PDGFD: variants seen among roughly 807,000 people sequenced by gnomAD.
The protein encoded by PDGFD is platelet derived growth factor D, also known as platelet-derived growth factor D.
PDGFD carries 30 observed loss-of-function variants against 44.7 expected under a neutral mutation model. That is an observed-to-expected ratio of 0.67 (90% CI 0.50 to 0.91). PDGFD has a LOEUF of 0.91. Ranked by LOEUF, PDGFD falls within the 40% of genes least tolerant of loss-of-function variation. The pLI, the probability that PDGFD is intolerant of heterozygous loss-of-function variation, is 0.00. For missense variants in PDGFD, 445 were observed against 457.8 expected (o/e 0.97, Z 0.25); for synonymous variants, 173 against 168.4 (o/e 1.03, Z -0.21).
At chr11:103,926,162 C>T (rs894337022) in intron 6 of PDGFD, among the ~76,000 whole-genome samples, 1 of 152,134 alleles carries the variant, frequency 6.6e-6, no homozygotes, top group Non-Finnish European at 1.5e-5. Flanking sequence ...ACTTACTGAT[C>T]CTCTTAGGGC....
chr11:104,005,320 C>G (rs1206995821), intron 1 of PDGFD, among the ~76,000 whole-genome samples: 2 of 152,182 alleles, frequency 1.3e-5, no homozygotes, highest in Non-Finnish European at 2.9e-5. Flanking sequence ...AACCACTGTA[C>G]TATAGAAAGT....
intron 1 of PDGFD, among the ~76,000 whole-genome samples, chr11:104,062,095 A>C (rs1860726723): frequency 6.6e-6 from 1 of 152,158 alleles, no homozygotes; most frequent in African/African-American, 2.4e-5. Flanking sequence ...AGCTTTTCTG[A>C]GTGGGAGGGG....
At chr11:103,910,349 G>A (rs1336048432) in intron 6 of PDGFD, among the ~76,000 whole-genome samples, 1 of 152,206 alleles carries the variant, frequency 6.6e-6, no homozygotes, top group East Asian at 1.9e-4. Flanking sequence ...AGTTCCCAGC[G>A]AGATCAATGC....
chr11:103,924,965 C>A (rs973110392), intron 6 of PDGFD, among the ~76,000 whole-genome samples: 3 of 151,910 alleles, frequency 2.0e-5, no homozygotes, highest in African/African-American at 7.3e-5. Context: ...CCTCCCCCAA[C>A]CCCCAACCCA....
intron 3 of PDGFD, among the ~76,000 whole-genome samples, chr11:103,973,956 C>G (rs532521470): frequency 5.3e-5 from 8 of 152,076 alleles, no homozygotes; most frequent in African/African-American, 1.9e-4. Context: ...AGAAGAATGG[C>G]AGCAGTTTGG....
chr11:104,010,515 G>A lies in PDGFD; in HGVS notation c.125-10260C>T, dbSNP rs541073512. Among the ~76,000 whole-genome samples, 11 of 152,088 alleles carry A rather than the reference G, an allele frequency of 7.2e-5. No individual in the cohort carries two copies. In the South Asian group the frequency reaches 1.9e-3, roughly 26 times the overall value. On this transcript the variant is annotated intron_variant, in intron 1 of 6. Transcript: ENST00000393158. ...GTTTTGTTATTGTACATTAGTGAGCGATCATATTCTTTCCTTCAAAATAGC... is the reference window on the plus strand; with the variant it reads ...GTTTTGTTATTGTACATTAGTGAGCAATCATATTCTTTCCTTCAAAATAGC...
intron 1 of PDGFD, among the ~76,000 whole-genome samples, chr11:104,011,851 C>T (rs1319571577): frequency 6.6e-6 from 1 of 151,902 alleles, no homozygotes; most frequent in Admixed American, 6.6e-5. Context: ...CATCCATATT[C>T]TCTGGTAAAA....
intron 1 of PDGFD, among the ~76,000 whole-genome samples, chr11:104,010,517 T>A (rs1859768129): frequency 6.6e-6 from 1 of 152,142 alleles, no homozygotes; most frequent in African/African-American, 2.4e-5. Flanking sequence ...TAGTGAGCGA[T>A]CATATTCTTT....
intron 1 of PDGFD, among the ~76,000 whole-genome samples, chr11:104,029,937 C>T (rs1043964907): frequency 5.9e-5 from 9 of 152,082 alleles, no homozygotes; most frequent in Non-Finnish European, 8.8e-5. Flanking sequence ...ATAAATCTGA[C>T]GTCCAAAAAG....
rs115041511 is a variant in PDGFD at position 104,075,670 on chromosome 11, C to A, written c.125-75415G>T. 8.9e-3 allele frequency among the ~76,000 whole-genome samples: 1,345 copies of A among 151,944 alleles called. 19 individuals carry two copies. Among genetic ancestry groups the A allele is most frequent in the African/African-American group, 0.031 (1,302 of 41,436 alleles). ...CCATGCCGCCCAGCTAATTTTTATA[C>A]CTTAATAACCTTGGTAGATACCTCC... On this transcript the variant is annotated intron_variant, in intron 1 of 6. Transcript: ENST00000393158.
At chr11:104,137,345 C>A (rs11226202) in intron 1 of PDGFD, among the ~76,000 whole-genome samples, 37,515 of 150,666 alleles carry the variant, frequency 0.25, 4,748 homozygotes, top group East Asian at 0.3. Flanking sequence ...TACATTCAAT[C>A]TATGAGAAAC....
At chr11:104,002,855 A>C (rs908110246) in intron 1 of PDGFD, among the ~76,000 whole-genome samples, 1 of 152,244 alleles carries the variant, frequency 6.6e-6, no homozygotes, top group African/African-American at 2.4e-5. Flanking sequence ...AATAATGTAA[A>C]TGGCAAGCAG....
At chr11:103,929,463 CAGG>C (rs1858367903) in intron 5 of PDGFD, among the ~76,000 whole-genome samples, 1 of 152,174 alleles carries the variant, frequency 6.6e-6, no homozygotes, top group South Asian at 2.1e-4. Flanking sequence ...CTCCACAAAC[CAGG>C]AGAAGGCATG....
chr11:104,119,535 T>TATA (rs1861726863), intron 1 of PDGFD, among the ~76,000 whole-genome samples: 1 of 54,272 alleles, frequency 1.8e-5, no homozygotes, highest in African/African-American at 8.7e-5. Flanking sequence ...ATTGATATAA[T>TATA]ATATAATATA....
chr11:104,129,184 A>G (rs962851054), intron 1 of PDGFD, among the ~76,000 whole-genome samples: 2 of 152,102 alleles, frequency 1.3e-5, no homozygotes, highest in Non-Finnish European at 2.9e-5. Flanking sequence ...ATATTTACCC[A>G]GGAACTAACA....
At chr11:104,030,773 T>A (rs78749684) in intron 1 of PDGFD, among the ~76,000 whole-genome samples, 1 of 152,072 alleles carries the variant, frequency 6.6e-6, no homozygotes, top group Non-Finnish European at 1.5e-5. Flanking sequence ...CCCAGACAGG[T>A]ACACTATAAT....
chr11:103,957,214 C>A (rs918879111), intron 3 of PDGFD, among the ~76,000 whole-genome samples: 8 of 152,140 alleles, frequency 5.3e-5, no homozygotes, highest in African/African-American at 1.9e-4. Context: ...AGTCTTTAAT[C>A]TATCTTGAAT....
chr11:104,006,302 C>G (rs949854775), intron 1 of PDGFD, among the ~76,000 whole-genome samples: 1 of 152,214 alleles, frequency 6.6e-6, no homozygotes, highest in Non-Finnish European at 1.5e-5. Flanking sequence ...GATTCTGATG[C>G]ACCCTAAGGT....
chr11:104,140,076 A>AAAAT (rs1565346555), intron 1 of PDGFD, among the ~76,000 whole-genome samples: 1 of 53,556 alleles, frequency 1.9e-5, no homozygotes, highest in Non-Finnish European at 3.2e-5. Context: ...CAAAAAAAAA[A>AAAAT]AAATAAATAA....
Sources: allele counts gnomAD v4.1 joint callset (sites outside exome capture counted in the v4.1 genomes callset), GRCh38; gene constraint gnomAD v4.1.1; transcripts MANE v1.5; gene names NCBI Gene and HGNC (gene_info 2026-07-23, HGNC 2026-07-21).